Variants in ANK2 observed in about 807,000 individuals in gnomAD.
ANK2 encodes ankyrin 2.
ANK2 carries 83 observed loss-of-function variants against 360.5 expected under a neutral mutation model. The ratio of observed to expected loss-of-function variants is 0.23; its 90% CI spans 0.19 to 0.28. The LOEUF is 0.28. Ranked by LOEUF, ANK2 falls within the 10% of genes least tolerant of loss-of-function variation. The pLI is 1.00. For synonymous variants in ANK2, 1,740 were observed against 1,759.5 expected (o/e 0.99, Z 0.28); for missense variants, 4,201 against 4,795.7 (o/e 0.88, Z 3.66).
chr4:113,017,611 G>A (rs1042987308), intron 2 of ANK2, among the ~76,000 whole-genome samples: 1 of 152,164 alleles, frequency 6.6e-6, no homozygotes, highest in Non-Finnish European at 1.5e-5. Context: ...TATTATTTGG[G>A]TTCCATCCAA....
intron 2 of ANK2, among the ~76,000 whole-genome samples, chr4:112,918,684 T>C (rs1300125274): frequency 6.6e-6 from 1 of 152,246 alleles, no homozygotes; most frequent in Non-Finnish European, 1.5e-5. Flanking sequence ...CTTAAGTGTT[T>C]TGAATGTTAT....
intron 18 of ANK2, among the ~76,000 whole-genome samples, chr4:113,284,449 T>TGA (rs2063593593): frequency 6.6e-6 from 1 of 152,258 alleles, no homozygotes. Context: ...AAACTGATCT[T>TGA]ACAGTGCTTC....
intron 1 of ANK2, among the ~76,000 whole-genome samples, chr4:113,080,096 G>A (rs1268482534): frequency 6.6e-6 from 1 of 151,846 alleles, no homozygotes; most frequent in South Asian, 2.1e-4. Context: ...ACGGGGTTTC[G>A]CCATGTTGAC....
At chr4:113,075,718 G>T (rs2079648067) in intron 1 of ANK2, among the ~76,000 whole-genome samples, 1 of 152,184 alleles carries the variant, frequency 6.6e-6, no homozygotes, top group Non-Finnish European at 1.5e-5. Flanking sequence ...TTAAGTGGCA[G>T]AATATTTTAT....
intron 2 of ANK2, among the ~76,000 whole-genome samples, chr4:112,998,077 G>A (rs1343244834): frequency 1.3e-5 from 2 of 151,886 alleles, no homozygotes; most frequent in African/African-American, 2.4e-5. Flanking sequence ...ATTATCAGAA[G>A]CTACTAGAAT....
chr4:112,893,715 G>T, intron 1 of ANK2, among the ~76,000 whole-genome samples: 1 of 152,110 alleles, frequency 6.6e-6, no homozygotes, highest in African/African-American at 2.4e-5. Context: ...GGTCATGCAG[G>T]CCAGGTGCAG....
intron 2 of ANK2, among the ~76,000 whole-genome samples, chr4:113,027,126 T>C (rs1272783359): frequency 1.3e-5 from 2 of 152,168 alleles, no homozygotes; most frequent in Non-Finnish European, 2.9e-5. Context: ...GTCCTTGGTA[T>C]CTTGGAAAGT....
At chr4:112,758,307 A>C in the ANK2 span, among the ~76,000 whole-genome samples, 111,986 of 152,092 alleles carry the variant, frequency 0.74, 42,039 homozygotes, top group East Asian at 0.97. Context: ...TGTAAAATTT[A>C]TTCATTTAAT....
intron 1 of ANK2, among the ~76,000 whole-genome samples, chr4:113,093,086 C>T (rs1350174589): frequency 6.6e-6 from 1 of 152,044 alleles, no homozygotes; most frequent in African/African-American, 2.4e-5. Flanking sequence ...ATATAAAATG[C>T]CTTAACATGC....
chr4:112,779,683 T>G, the ANK2 span, among the ~76,000 whole-genome samples: 1 of 152,332 alleles, frequency 6.6e-6, no homozygotes, highest in Non-Finnish European at 1.5e-5. Context: ...AGTTCTGGAA[T>G]GTGGAGTACT....
intron 1 of ANK2, among the ~76,000 whole-genome samples, chr4:112,865,640 T>G (rs2070227161): frequency 6.6e-6 from 1 of 152,166 alleles, no homozygotes. Context: ...TGAATGAAAT[T>G]TTGCTGCAGT....
At chr4:113,322,906 G>GT (rs917538151) in intron 26 of ANK2, among the ~76,000 whole-genome samples, 23 of 151,976 alleles carry the variant, frequency 1.5e-4, no homozygotes, top group East Asian at 3.9e-4. Context: ...ACAGCCTAGG[G>GT]TTTTTTTTAG....
At position 113,358,213 on chromosome 4, in the gene ANK2, C is replaced by G. The variant is rs1312179643; in HGVS notation, c.9595C>G (p.Gln3199Glu). 6.2e-7 allele frequency: 1 copy of G among 1,614,092 alleles called. No homozygotes were observed. The highest frequency in any genetic ancestry group is 8.5e-7 in the Non-Finnish European group (1 of 1,179,966). The change falls in exon 38 of 46, where the codon CAA (glutamine) becomes GAA (glutamate). Residue 3199 changes from glutamine to glutamate, a missense_variant. Physicochemically the swap from Gln to Glu is conservative, Grantham distance 29. This residue lies in a region of ANK2 where 2,642 missense variants were observed against 2,714.5 expected (regional missense o/e 0.97). Coordinates refer to ENST00000357077, the MANE Select transcript of ANK2 (RefSeq NM_001148.6). ...AGAGGAAATACCTGCTTCGGATGCT[C>G]AACTTAACTCCCAAATGGGGATTTC... Reference protein sequence around the residue: ...EVEEIPASDAQLNSQMGISAS... With the variant: ...EVEEIPASDAELNSQMGISAS...
intron 1 of ANK2, among the ~76,000 whole-genome samples, chr4:113,131,667 T>C (rs2096043766): frequency 6.6e-6 from 1 of 152,234 alleles, no homozygotes; most frequent in Non-Finnish European, 1.5e-5. Flanking sequence ...TATACACTCC[T>C]AAGTGGAGAC....
intron 39 of ANK2, among the ~76,000 whole-genome samples, chr4:113,362,402 A>G (rs1332723787): frequency 6.6e-6 from 1 of 152,092 alleles, no homozygotes; most frequent in African/African-American, 2.4e-5. Flanking sequence ...CATAATGTAT[A>G]AGCATCCATA....
chr4:113,265,143 A>C, intron 14 of ANK2, 148 bp downstream of exon 14: 1 of 822,752 alleles, frequency 1.2e-6, no homozygotes, highest in Non-Finnish European at 1.9e-6. Context: ...CAGAAAAAAA[A>C]AAGAAACATT....
chr4:112,942,763 A>G (rs1475892672), intron 2 of ANK2, among the ~76,000 whole-genome samples: 1 of 151,888 alleles, frequency 6.6e-6, no homozygotes, highest in Non-Finnish European at 1.5e-5. Flanking sequence ...CAAATAAGTA[A>G]GTTTTATTTG....
intron 1 of ANK2, chr4:113,151,089 C>T (rs1447671029): frequency 7.8e-7 from 1 of 1,288,528 alleles, no homozygotes; most frequent in Non-Finnish European, 1.0e-6. Flanking sequence ...GGTGACATGC[C>T]CCCAGATGAA....
At chr4:113,176,154 C>G (rs1161714966) in intron 2 of ANK2, among the ~76,000 whole-genome samples, 1 of 152,094 alleles carries the variant, frequency 6.6e-6, no homozygotes, top group Non-Finnish European at 1.5e-5. Context: ...TTGTGTCAAC[C>G]CTGTTAGATA....
Sources: gnomAD v4.1 joint callset for allele counts (sites outside exome capture counted in the v4.1 genomes callset) on GRCh38, gnomAD v4.1.1 for gene constraint, gnomAD v4.1.1 regional missense constraint, MANE v1.5 for transcripts, NCBI Gene and HGNC (gene_info 2026-07-23, HGNC 2026-07-21) for gene names.